The following TRIM37 variants were observed in gnomAD, a reference collection of about 807,000 sequenced individuals.
The protein encoded by TRIM37 is E3 ubiquitin-protein ligase TRIM37.
TRIM37 carries 80 observed loss-of-function variants against 129.8 expected under a neutral mutation model. The ratio of observed to expected loss-of-function variants is 0.62; its 90% confidence interval spans 0.51 to 0.74. The LOEUF (loss-of-function observed/expected upper bound fraction) is 0.74, where lower values mean the gene tolerates loss of function less well. Among genes scored for constraint, TRIM37 ranks in the 30% least tolerant of loss-of-function variants. TRIM37 has a pLI of 0.00. For synonymous variants in TRIM37, 389 were observed against 387.1 expected (o/e 1.00, Z -0.06); for missense variants, 1,054 against 1,176.5 (o/e 0.90, Z 1.52).
rs35675752 is a variant in TRIM37, at chr17:59,007,231, C to CCACA, written c.2695+5093_2695+5096dup. Among the ~76,000 whole-genome samples, 76 of 97,540 alleles carry CCACA rather than the reference C, an allele frequency of 7.8e-4. 2 individuals are homozygous for CCACA. Among genetic ancestry groups the CCACA allele is most frequent in the Non-Finnish European group, 1.1e-3 (53 of 50,286 alleles). 64.0% of individuals were successfully genotyped at this position (97,540 alleles called of 152,430 possible). On this transcript the variant is annotated intron_variant, in intron 22 of 23. Coordinates refer to ENST00000262294, the MANE Select transcript of TRIM37 (RefSeq NM_015294.6). Reference sequence around the variant, plus strand: ...CTAAAACCACCCCACCCCCACCCACCCACACACACACACACGTTCCTGATG... The same window carrying CCACA: ...CTAAAACCACCCCACCCCCACCCACCCACACACACACACACACACGTTCCTGATG...
exon 25 of TRIM37, chr17:58,982,691 G>A (rs2031429703): frequency 6.2e-6 from 3 of 483,714 alleles, no homozygotes; most frequent in Non-Finnish European, 1.1e-5. Context: ...AAATTTGGAT[G>A]TAAGTAGAGA....
chr17:59,061,165 T>G (rs2041458620), intron 11 of TRIM37, 57 bp from the exon 12 acceptor site: 1 of 1,366,784 alleles, frequency 7.3e-7, no homozygotes, highest in East Asian at 2.3e-5. Context: ...TAAAACAAAA[T>G]GCAGATAATA....
chr17:59,003,921 A>AT (rs889843496), intron 22 of TRIM37, among the ~76,000 whole-genome samples: 2 of 107,584 alleles, frequency 1.9e-5, no homozygotes, highest in East Asian at 2.4e-4. Flanking sequence ...CCCCATCTCT[A>AT]TAAAAAAAAA....
chr17:59,044,423 G>A (rs979212691), intron 16 of TRIM37, among the ~76,000 whole-genome samples: 1 of 152,070 alleles, frequency 6.6e-6, no homozygotes, highest in African/African-American at 2.4e-5. Flanking sequence ...TTAGTCGGGC[G>A]TAGTGGCAGG....
chr17:59,015,795 G>T lies in TRIM37; in HGVS notation c.2391C>A (p.Ser797=). The T allele has an allele frequency of 6.2e-7, 1 of 1,612,586 alleles. No homozygotes were observed. Among genetic ancestry groups the T allele is most frequent in the South Asian group, 1.1e-5 (1 of 91,010 alleles). The change falls in exon 21 of 24, where the codon TCC becomes TCA. Residue 797 remains serine, a synonymous_variant. Coordinates refer to ENST00000262294, the MANE Select transcript of TRIM37 (RefSeq NM_015294.6). ...TGCTCCCAGACTGAGAGCTTCCTGG[G>T]GAGCCTTCAAAAAAAGGAAGATGGA... ...KGDCQTLSEG[S]PGSSQSGSRH...
intron 24 of TRIM37, among the ~76,000 whole-genome samples, chr17:58,992,537 C>T (rs1321532033): frequency 6.6e-6 from 1 of 151,772 alleles, no homozygotes; most frequent in Non-Finnish European, 1.5e-5. Flanking sequence ...TGCGCCACCA[C>T]GCCTGGCTAG....
At chr17:59,026,836 T>C (rs890211612) in intron 19 of TRIM37, among the ~76,000 whole-genome samples, 21 of 152,242 alleles carry the variant, frequency 1.4e-4, no homozygotes, top group Non-Finnish European at 2.9e-4. Flanking sequence ...TCAGTGATAC[T>C]TAACACACTT....
At chr17:58,972,978 C>A in the TRIM37 span, 1 of 1,263,782 alleles carries the variant, frequency 7.9e-7, no homozygotes, top group South Asian at 1.3e-5. Context: ...AGCTCATTCT[C>A]CTGTATCAAC....
chr17:59,012,283 C>G (rs777918305), intron 22 of TRIM37, 45 bp downstream of exon 22: 5 of 1,259,856 alleles, frequency 4.0e-6, no homozygotes, highest in Non-Finnish European at 4.6e-6. Context: ...AAAAAAGGGA[C>G]AGAATTCTCA....
intron 5 of TRIM37, among the ~76,000 whole-genome samples, chr17:59,081,964 A>AAAAAAT (rs1568200247): frequency 2.3e-5 from 2 of 87,184 alleles, no homozygotes; most frequent in Admixed American, 1.2e-4. Flanking sequence ...AAAAAAAAAA[A>AAAAAAT]AATAATAATA....
chr17:58,979,974 G>C, downstream of TRIM37: 1 of 1,608,646 alleles, frequency 6.2e-7, no homozygotes, highest in Non-Finnish European at 8.5e-7. Context: ...CTTCCCGCAG[G>C]AGATGCTGAA....
chr17:59,098,200 T>C (rs540190568), intron 2 of TRIM37, among the ~76,000 whole-genome samples: 3 of 152,278 alleles, frequency 2.0e-5, no homozygotes, highest in South Asian at 2.1e-4. Context: ...GAAGGTAGAA[T>C]AGTGGTTAAC....
downstream of TRIM37, among the ~76,000 whole-genome samples, chr17:58,995,908 G>T (rs1263015212): frequency 6.6e-6 from 1 of 152,060 alleles, no homozygotes; most frequent in African/African-American, 2.4e-5. Context: ...TTAGGAGGCT[G>T]AAGTGGGAGG....
At chr17:59,029,061 G>A (rs920679660) in intron 18 of TRIM37, among the ~76,000 whole-genome samples, 4 of 151,452 alleles carry the variant, frequency 2.6e-5, no homozygotes, top group African/African-American at 9.7e-5. Flanking sequence ...GTTTATAATT[G>A]AAAAAAAAGA....
At chr17:58,971,698 C>T in the TRIM37 span, among the ~76,000 whole-genome samples, 27 of 152,074 alleles carry the variant, frequency 1.8e-4, no homozygotes, top group African/African-American at 5.8e-4. Context: ...TAGGACTCTC[C>T]CACTGAACAA....
chr17:59,098,398 G>A (rs2045117008), intron 2 of TRIM37, among the ~76,000 whole-genome samples: 1 of 152,110 alleles, frequency 6.6e-6, no homozygotes, highest in Non-Finnish European at 1.5e-5. Flanking sequence ...GGGCCAAGTG[G>A]CTCACATCTG....
At position 59,057,503 on chromosome 17, in the gene TRIM37, C is replaced by T. The variant is rs565226752; in HGVS notation, c.1020-449G>A. 2.6e-5 allele frequency among the ~76,000 whole-genome samples: 4 copies of T among 152,194 alleles called. No individual in the cohort carries two copies. The East Asian group carries it at 7.7e-4, about 29-fold the overall frequency. On this transcript the variant is annotated intron_variant, in intron 12 of 23. Transcript: ENST00000262294. ...GATTGCAGGCGTGAGCCACCACACC[C>T]GGCCAGAAAAAGAGCAGTATTTTTT...
chr17:58,979,788 G>GAGTAAGC (rs1292685389), downstream of TRIM37, among the ~76,000 whole-genome samples: 1 of 152,184 alleles, frequency 6.6e-6, no homozygotes, highest in Non-Finnish European at 1.5e-5. Context: ...TGGGAGTAAG[G>GAGTAAGC]AGTAAGCAGA....
intron 14 of TRIM37, 124 bp from the exon 15 acceptor site, chr17:59,049,517 T>A: frequency 1.1e-6 from 1 of 904,136 alleles, no homozygotes; most frequent in Non-Finnish European, 1.7e-6. Flanking sequence ...TTTTTGAGAA[T>A]GGTCTCACTC....
Sources: allele counts gnomAD v4.1 joint callset (sites outside exome capture counted in the v4.1 genomes callset), GRCh38; gene constraint gnomAD v4.1.1; transcripts MANE v1.5; gene names NCBI Gene and HGNC (gene_info 2026-07-23, HGNC 2026-07-21).